Variants in PTGIS observed in about 807,000 individuals in gnomAD.
PTGIS encodes prostacyclin synthase.
PTGIS carries 45 observed loss-of-function variants against 50.3 expected under a neutral mutation model. The observed-to-expected ratio is 0.90, with a 90% CI of 0.70 to 1.15. The LOEUF (loss-of-function observed/expected upper bound fraction) is 1.15, where lower values mean the gene tolerates loss of function less well. Ranked by LOEUF, PTGIS falls within the 50% of genes most tolerant of loss-of-function variation. The probability of loss-of-function intolerance (pLI) is 0.00; values close to 1 mark genes in which losing one functional copy is unlikely to be tolerated. For synonymous variants in PTGIS, 260 were observed against 267.7 expected (o/e 0.97, Z 0.28); for missense variants, 668 against 661.3 (o/e 1.01, Z -0.11).
At chr20:49,552,634 A>G (rs1452491780) in intron 1 of PTGIS, among the ~76,000 whole-genome samples, 3 of 152,160 alleles carry the variant, frequency 2.0e-5, no homozygotes, top group Non-Finnish European at 4.4e-5. Flanking sequence ...TGCCTAGGGT[A>G]ATGAAACAGG....
In PTGIS at chr20:49,510,512, T is replaced by C. The variant is rs1981284172; in HGVS notation, c.1358+516A>G. 2.6e-5 allele frequency among the ~76,000 whole-genome samples: 4 copies of C among 152,246 alleles called. No individual in the cohort carries two copies. In the South Asian group the frequency reaches 8.3e-4, roughly 32 times the overall value. On this transcript the variant is annotated intron_variant, in intron 9 of 9. Coordinates refer to ENST00000244043, the MANE Select transcript of PTGIS (RefSeq NM_000961.4). ...GCTCAGAAGGTAACCCAGCTTATGA[T>C]TGCACAGGGGCTGGACAGGAGGACA...
Position 49,550,100 on chromosome 20 carries a change from G to T in PTGIS, c.164C>A (p.Thr55Lys), listed in dbSNP as rs972420060. 7 of 1,614,058 alleles carry T rather than the reference G, an allele frequency of 4.3e-6. No individual in the cohort carries two copies. The African/African-American group carries it at 8.0e-5, about 18-fold the overall frequency. ...GTCACCGTGCTTCTCCTTCATCCTC[G>T]TGAGGAAGCTGGCAGCATCTTTTCC... is the stretch of plus-strand genomic sequence containing the variant. ...DFGKDAASFLTRMKEKHGDIF... is the reference protein window; with the variant it reads ...DFGKDAASFLKRMKEKHGDIF... Residue 55 changes from threonine (T) to lysine (K), a missense_variant, in exon 2 of 10, where the codon ACG becomes AAG. Physicochemically the swap from Thr to Lys is moderately conservative, Grantham distance 78. Coordinates refer to ENST00000244043, the MANE Select transcript of PTGIS (RefSeq NM_000961.4).
chr20:49,528,842 T>A, intron 5 of PTGIS, among the ~76,000 whole-genome samples: 1 of 152,228 alleles, frequency 6.6e-6, no homozygotes, highest in Non-Finnish European at 1.5e-5. Context: ...CACATTCACT[T>A]GCACTTGTGT....
chr20:49,523,017 C>T (rs1981693163), intron 6 of PTGIS, among the ~76,000 whole-genome samples: 1 of 151,892 alleles, frequency 6.6e-6, no homozygotes, highest in African/African-American at 2.4e-5. Flanking sequence ...AGCAAGACTC[C>T]ATCTCAAAAA....
At chr20:49,519,487 C>G (rs1418185889) in intron 6 of PTGIS, among the ~76,000 whole-genome samples, 1 of 152,048 alleles carries the variant, frequency 6.6e-6, no homozygotes, top group Non-Finnish European at 1.5e-5. Flanking sequence ...CTCCTCCCAC[C>G]TTCCTGGCCC....
intron 3 of PTGIS, among the ~76,000 whole-genome samples, chr20:49,546,677 T>C (rs747574350): frequency 2.6e-5 from 4 of 152,228 alleles, no homozygotes; most frequent in Non-Finnish European, 4.4e-5. Flanking sequence ...CAGTAGACTT[T>C]GAGCAAGTCA....
At chr20:49,542,108 G>A (rs903659002) in intron 4 of PTGIS, among the ~76,000 whole-genome samples, 2 of 152,186 alleles carry the variant, frequency 1.3e-5, no homozygotes, top group Non-Finnish European at 2.9e-5. Context: ...AAGAGAGAGC[G>A]TGCCTGACCT....
intron 2 of PTGIS, 22 bp from the exon 3 acceptor site, chr20:49,548,041 AGAGT>A: frequency 6.2e-7 from 1 of 1,611,288 alleles, no homozygotes; most frequent in Non-Finnish European, 8.5e-7. Flanking sequence ...TGCCAGGGAT[AGAGT>A]GAGGAGTGTC....
intron 6 of PTGIS, among the ~76,000 whole-genome samples, chr20:49,518,544 T>C (rs1011258682): frequency 6.6e-6 from 1 of 152,152 alleles, no homozygotes; most frequent in Non-Finnish European, 1.5e-5. Flanking sequence ...GATGAATGTA[T>C]TGTGGTTATG....
chr20:49,535,622 C>T (rs539839330), intron 5 of PTGIS, among the ~76,000 whole-genome samples: 41 of 152,300 alleles, frequency 2.7e-4, no homozygotes, highest in Middle Eastern at 3.4e-3. Flanking sequence ...TCAAGTGATC[C>T]TCCCACCTCA....
chr20:49,539,079 A>G (rs937477422), intron 5 of PTGIS, among the ~76,000 whole-genome samples: 3 of 152,176 alleles, frequency 2.0e-5, no homozygotes, highest in East Asian at 1.9e-4. Context: ...AAAAATAAAA[A>G]TAACACACAT....
chr20:49,550,089 C>T lies in PTGIS; in HGVS notation c.175G>A (p.Glu59Lys). Residue 59 changes from glutamate (E) to lysine (K), a missense_variant, in exon 2 of 10, where the codon GAG becomes AAG. By Grantham distance (56) the Glu-to-Lys change is moderately conservative (BLOSUM62 1). Transcript: ENST00000244043. ...DAASFLTRMK[E>K]KHGDIFTILV... is the part of the protein sequence containing the mutation. The stretch of plus-strand genomic sequence containing the variant: ...ACAGTAAAGATGTCACCGTGCTTCT[C>T]CTTCATCCTCGTGAGGAAGCTGGCA... The T allele has an allele frequency of 6.2e-7, 1 of 1,614,212 alleles. No individual in the cohort carries two copies. The highest frequency in any genetic ancestry group is 8.5e-7 in the Non-Finnish European group (1 of 1,180,036).
At chr20:49,563,273 G>T (rs529717086) in intron 1 of PTGIS, among the ~76,000 whole-genome samples, 11 of 152,190 alleles carry the variant, frequency 7.2e-5, no homozygotes, top group African/African-American at 2.4e-4. Context: ...TCACCCACAG[G>T]CCTCCAGGGT....
chr20:49,562,327 T>C (rs1982796460), intron 1 of PTGIS, among the ~76,000 whole-genome samples: 1 of 152,170 alleles, frequency 6.6e-6, no homozygotes, highest in African/African-American at 2.4e-5. Context: ...TGGCCGGAGC[T>C]CCCCAGCGAG....
At chr20:49,536,647 A>T (rs536571013) in intron 5 of PTGIS, among the ~76,000 whole-genome samples, 1 of 151,188 alleles carries the variant, frequency 6.6e-6, no homozygotes, top group Admixed American at 6.6e-5. Flanking sequence ...CGCCCAGCTA[A>T]TTTTTTTGTA....
chr20:49,539,514 C>A, intron 5 of PTGIS, 56 bp downstream of exon 5: 2 of 1,579,508 alleles, frequency 1.3e-6, no homozygotes, highest in Admixed American at 3.5e-5. Flanking sequence ...AATTGGGCTC[C>A]CCCTCTGGGT....
At chr20:49,535,909 T>C (rs892909669) in intron 5 of PTGIS, among the ~76,000 whole-genome samples, 1 of 152,228 alleles carries the variant, frequency 6.6e-6, no homozygotes, top group Admixed American at 6.5e-5. Context: ...TTTTCTGGGG[T>C]TCTCCAGGTA....
At chr20:49,509,393 CTG>C (rs1346699361) in intron 9 of PTGIS, among the ~76,000 whole-genome samples, 2 of 152,248 alleles carry the variant, frequency 1.3e-5, no homozygotes, top group Non-Finnish European at 2.9e-5. Flanking sequence ...TATTGGAACA[CTG>C]TGCGCTAGGC....
chr20:49,529,493 C>A (rs1211895804), intron 5 of PTGIS, among the ~76,000 whole-genome samples: 1 of 152,174 alleles, frequency 6.6e-6, no homozygotes, highest in Non-Finnish European at 1.5e-5. Context: ...ACACAGCAGT[C>A]CTGTCTTATC....
Sources: allele counts gnomAD v4.1 joint callset (sites outside exome capture counted in the v4.1 genomes callset), GRCh38; gene constraint gnomAD v4.1.1; transcripts MANE v1.5; gene names NCBI Gene and HGNC (gene_info 2026-07-23, HGNC 2026-07-21).